The following BACE2 variants were observed in gnomAD, a reference collection of about 807,000 sequenced individuals.
BACE2 encodes the protein beta-secretase 2.
In BACE2, 17 loss-of-function variants were observed where a neutral mutation model predicts 46.2. That is an observed-to-expected ratio of 0.37 (90% confidence interval 0.25 to 0.55). The LOEUF is 0.55. BACE2 is among the 20% of genes least tolerant of loss of function. The pLI is 0.82. For missense variants in BACE2, 595 were observed against 698.1 expected (o/e 0.85, Z 1.66); for synonymous variants, 277 against 295.9 (o/e 0.94, Z 0.66).
chr21:41,266,775 A>G (rs1384989187), intron 8 of BACE2, among the ~76,000 whole-genome samples: 5 of 152,128 alleles, frequency 3.3e-5, no homozygotes, highest in Non-Finnish European at 7.4e-5. Context: ...CCCCAGCCTT[A>G]GGGCCCATTT....
rs191157496 is a variant in BACE2 at position 41,233,086 on chromosome 21, T to A, written c.402-4427T>A. On this transcript the variant is annotated intron_variant, in intron 2 of 8. Transcript: ENST00000330333. ...GGTTTCACCGTGTTAGCCAGGATAG[T>A]CTCGATCTCCTGACCTCATGATCCA... Among the ~76,000 whole-genome samples, 60 of 152,258 alleles carry A rather than the reference T, an allele frequency of 3.9e-4. 1 individual carries two copies. The East Asian group carries it at 0.01, about 26-fold the overall frequency.
chr21:41,279,918 T>A lies in BACE2; in HGVS notation c.*4294T>A, dbSNP rs563617803. 6.6e-6 allele frequency: 1 copy of A among 152,264 alleles called. No homozygotes were observed. The allele number at this position is 152,264 out of a possible 1,614,324, so 9.4% of individuals were successfully genotyped here. Reference sequence around the variant, plus strand: ...CCAGAAGAGAGGTCCCACCCCTCAGTTGGCAGTGGGGCACGGAGGTCCGCA... The same window carrying A: ...CCAGAAGAGAGGTCCCACCCCTCAGATGGCAGTGGGGCACGGAGGTCCGCA... On this transcript the variant is annotated 3_prime_UTR_variant, in exon 9 of 9. Coordinates refer to ENST00000330333, the MANE Select transcript of BACE2 (RefSeq NM_012105.5).
At chr21:41,217,225 G>C (rs373019486) in intron 1 of BACE2, among the ~76,000 whole-genome samples, 1 of 152,204 alleles carries the variant, frequency 6.6e-6, no homozygotes, top group Non-Finnish European at 1.5e-5. Flanking sequence ...CACTGCGCCC[G>C]GCCCAATCTA....
chr21:41,213,713 G>A (rs1024801876), intron 1 of BACE2, among the ~76,000 whole-genome samples: 3 of 152,010 alleles, frequency 2.0e-5, no homozygotes, highest in African/African-American at 7.2e-5. Context: ...GGTAGAGGTT[G>A]CAGTGAGCCA....
intron 1 of BACE2, among the ~76,000 whole-genome samples, chr21:41,199,449 C>T (rs1449756068): frequency 1.3e-5 from 2 of 152,118 alleles, no homozygotes; most frequent in African/African-American, 4.8e-5. Flanking sequence ...CAGTGGGGCT[C>T]TGCCCAGCAC....
At chr21:41,260,484 C>T (rs1425832389) in intron 8 of BACE2, among the ~76,000 whole-genome samples, 1 of 152,182 alleles carries the variant, frequency 6.6e-6, no homozygotes, top group African/African-American at 2.4e-5. Flanking sequence ...TGATGAGGCA[C>T]TTAGCCGGGT....
chr21:41,168,337 C>G lies in BACE2; in HGVS notation c.74C>G (p.Ala25Gly). The G allele has an allele frequency of 7.3e-7, 1 of 1,363,974 alleles. No homozygotes were observed. The highest frequency in any genetic ancestry group is 9.5e-7 in the Non-Finnish European group (1 of 1,056,284). 84.5% of individuals were successfully genotyped at this position (1,363,974 alleles called of 1,614,324 possible). Reference protein sequence around the residue: ...QWLLRAAPELAPAPFTLPLRV... With the variant: ...QWLLRAAPELGPAPFTLPLRV... ...CTCCTGCGCGCCGCCCCGGAGCTGG[C>G]CCCCGCGCCCTTCACGCTGCCCCTC... The change falls in exon 1 of 9, where the codon GCC becomes GGC. Residue 25 changes from alanine to glycine, a missense_variant. Ala to Gly is a moderately conservative substitution (Grantham distance 60). Coordinates refer to ENST00000330333, the MANE Select transcript of BACE2 (RefSeq NM_012105.5).
rs955917137 is a variant in BACE2 at position 41,277,826 on chromosome 21, G to A, written c.*2202G>A. 6 of 152,204 alleles carry A rather than the reference G, an allele frequency of 3.9e-5. No individual in the cohort carries two copies. Among genetic ancestry groups the A allele is most frequent in the African/African-American group, 1.4e-4 (6 of 41,440 alleles). The allele number at this position is 152,204 out of a possible 1,614,324, so 9.4% of individuals were successfully genotyped here. ...TGAATGAAGTTTGCCGTCATGCTCTGTATTTCATATCAGATTTCTTTATCT... is the reference window on the plus strand; with the variant it reads ...TGAATGAAGTTTGCCGTCATGCTCTATATTTCATATCAGATTTCTTTATCT... On this transcript the variant is annotated 3_prime_UTR_variant, in exon 9 of 9. Transcript: ENST00000330333.
In BACE2 at chr21:41,275,611, A is replaced by G; in HGVS notation, c.1544A>G (p.His515Arg). The G allele has an allele frequency of 6.2e-7, 1 of 1,613,942 alleles. No individual in the cohort carries two copies. The highest frequency in any genetic ancestry group is 1.1e-5 in the South Asian group (1 of 91,064). The change falls in exon 9 of 9, where the codon CAT becomes CGT. Residue 515 changes from histidine to arginine, a missense_variant. Physicochemically the swap from His to Arg is conservative, Grantham distance 29 (BLOSUM62 0). Transcript: ENST00000330333. ...VVNDESSLVRHRWK is the reference protein window; with the variant it reads ...VVNDESSLVRRRWK The stretch of plus-strand genomic sequence containing the variant: ...AATGATGAGTCCTCTCTGGTCAGAC[A>G]TCGCTGGAAATGAATAGCCAGGCCT...
chr21:41,233,503 A>T (rs949385625), intron 2 of BACE2, among the ~76,000 whole-genome samples: 1 of 152,260 alleles, frequency 6.6e-6, no homozygotes, highest in Non-Finnish European at 1.5e-5. Flanking sequence ...GAGACCAGCA[A>T]CCTGAGCAGG....
intron 2 of BACE2, among the ~76,000 whole-genome samples, chr21:41,237,028 A>G (rs1368301972): frequency 6.6e-6 from 1 of 152,246 alleles, no homozygotes; most frequent in African/African-American, 2.4e-5. Flanking sequence ...TCACTTTGTT[A>G]ACATTGATGC....
intron 8 of BACE2, among the ~76,000 whole-genome samples, chr21:41,274,785 G>A (rs939263507): frequency 3.9e-5 from 6 of 152,164 alleles, no homozygotes; most frequent in African/African-American, 1.2e-4. Flanking sequence ...GTGGGGCAGG[G>A]AGGGTCTCTC....
intron 1 of BACE2, among the ~76,000 whole-genome samples, chr21:41,191,604 G>A (rs932884455): frequency 5.9e-5 from 9 of 152,148 alleles, no homozygotes; most frequent in Admixed American, 2.0e-4. Flanking sequence ...TTGAGGACTC[G>A]GTGTTGGTCT....
intron 1 of BACE2, among the ~76,000 whole-genome samples, chr21:41,205,687 T>C (rs995442167): frequency 2.0e-5 from 3 of 152,124 alleles, no homozygotes; most frequent in African/African-American, 7.2e-5. Flanking sequence ...CGAGGAGAAA[T>C]GAAATTTTGA....
At position 41,208,813 on chromosome 21, in the gene BACE2, A is replaced by C. The variant is rs1437152419; in HGVS notation, c.313-17453A>C. ...ATGTCAGTTGCACACCAAGGTGGCT[A>C]CCAGAGGGAGAAAAACAGCCCCTAG... is the stretch of plus-strand genomic sequence containing the variant. On this transcript the variant is annotated intron_variant, in intron 1 of 8. Coordinates refer to ENST00000330333, the MANE Select transcript of BACE2 (RefSeq NM_012105.5). Among the ~76,000 whole-genome samples, 127 of 152,096 alleles carry C rather than the reference A, an allele frequency of 8.3e-4. 2 individuals are homozygous for C. Among genetic ancestry groups the C allele is most frequent in the Admixed American group, 8.3e-3 (127 of 15,280 alleles).
chr21:41,202,521 A>G (rs374779755), intron 1 of BACE2, among the ~76,000 whole-genome samples: 18 of 152,324 alleles, frequency 1.2e-4, no homozygotes, highest in African/African-American at 4.3e-4. Context: ...TTTCCTGGGG[A>G]CAGGCACCAA....
At chr21:41,259,834 A>C (rs1278792544) in intron 8 of BACE2, among the ~76,000 whole-genome samples, 1 of 147,870 alleles carries the variant, frequency 6.8e-6, no homozygotes, top group Admixed American at 6.7e-5. Context: ...TTTTTATTTT[A>C]TTTTTTATTT....
intron 1 of BACE2, chr21:41,179,428 G>A: frequency 7.5e-7 from 1 of 1,325,202 alleles, no homozygotes; most frequent in South Asian, 1.2e-5. Flanking sequence ...GGGTGTCAGG[G>A]TGAGTGAACG....
chr21:41,174,139 C>CTTTTTTTTTTTTTTTTTT (rs1328562900), intron 1 of BACE2, among the ~76,000 whole-genome samples: 1 of 48,498 alleles, frequency 2.1e-5, no homozygotes, highest in Non-Finnish European at 3.1e-5. Flanking sequence ...GATCAGTGGC[C>CTTTTTTTTTTTTTTTTTT]TTTTTTTTTT....
Sources: gnomAD v4.1 joint callset for allele counts (sites outside exome capture counted in the v4.1 genomes callset) on GRCh38, gnomAD v4.1.1 for gene constraint, MANE v1.5 for transcripts, NCBI Gene and HGNC (gene_info 2026-07-23, HGNC 2026-07-21) for gene names.